PTPRM: variants seen among roughly 807,000 people sequenced by gnomAD.
PTPRM encodes protein tyrosine phosphatase receptor type M.
PTPRM carries 47 observed loss-of-function variants against 186.7 expected under a neutral mutation model. The ratio of observed to expected loss-of-function variants is 0.25; its 90% CI spans 0.20 to 0.32. The LOEUF is 0.32. PTPRM is among the 10% of genes least tolerant of loss of function. The pLI, the probability that PTPRM is intolerant of heterozygous loss-of-function variation, is 1.00. For missense variants in PTPRM, 1,494 were observed against 1,865.0 expected, an observed-to-expected ratio of 0.80 and a Z score of 3.66; for synonymous variants, 668 against 674.9, an observed-to-expected ratio of 0.99 and a Z score of 0.16.
rs77173927 is a variant in PTPRM at position 8,169,898 on chromosome 18, C to T, written c.2300+26119C>T. Reference sequence around the variant, plus strand: ...ATTTAGTATGCAAGTATTCACTTTACACTCCTGTCTTTTGGAATGCATTTG... The same window carrying T: ...ATTTAGTATGCAAGTATTCACTTTATACTCCTGTCTTTTGGAATGCATTTG... On this transcript the variant is annotated intron_variant, in intron 14 of 32. Coordinates refer to ENST00000580170, the MANE Select transcript of PTPRM (RefSeq NM_001105244.2). 3.1e-3 allele frequency among the ~76,000 whole-genome samples: 468 copies of T among 152,234 alleles called. 2 individuals carry two copies. The highest frequency in any genetic ancestry group is 0.011 in the African/African-American group (451 of 41,532).
intron 7 of PTPRM, among the ~76,000 whole-genome samples, chr18:7,966,698 C>CG (rs1289546694): frequency 1.4e-5 from 2 of 147,014 alleles, no homozygotes; most frequent in Admixed American, 6.8e-5. Context: ...GGGTGACGGG[C>CG]GCACCTGGAA....
At chr18:7,829,052 A>C (rs1410961685) in intron 2 of PTPRM, among the ~76,000 whole-genome samples, 1 of 152,140 alleles carries the variant, frequency 6.6e-6, no homozygotes, top group Admixed American at 6.5e-5. Context: ...GTAAATACCT[A>C]ATTGTATTTT....
At chr18:7,969,273 C>T (rs1249371776) in intron 7 of PTPRM, among the ~76,000 whole-genome samples, 1 of 138,678 alleles carries the variant, frequency 7.2e-6, no homozygotes, top group African/African-American at 2.9e-5. Context: ...AACAAAGACA[C>T]CACATACCAG....
At chr18:8,151,254 C>T (rs937585481) in intron 14 of PTPRM, among the ~76,000 whole-genome samples, 10 of 151,772 alleles carry the variant, frequency 6.6e-5, no homozygotes, top group African/African-American at 2.4e-4. Context: ...CCAGGTGCTT[C>T]GTCCCAGGGA....
intron 2 of PTPRM, among the ~76,000 whole-genome samples, chr18:7,852,892 C>CG (rs1567917784): frequency 5.3e-5 from 8 of 152,072 alleles, no homozygotes; most frequent in Admixed American, 5.2e-4. Flanking sequence ...ATAAATAATA[C>CG]ATAGTTACAT....
chr18:8,302,095 G>A (rs779753105), intron 20 of PTPRM, among the ~76,000 whole-genome samples: 4 of 152,312 alleles, frequency 2.6e-5, no homozygotes, highest in Admixed American at 6.5e-5. Flanking sequence ...GGAAGATTTC[G>A]TGGGGGAGAA....
At chr18:8,402,679 CGGCCTGGTGATCTGACAACGT>C (rs2148649262) in intron 32 of PTPRM, among the ~76,000 whole-genome samples, 1 of 152,278 alleles carries the variant, frequency 6.6e-6, no homozygotes, top group Non-Finnish European at 1.5e-5. Context: ...GCCAAGATGT[CGGCCTGGTGATCTGACAACGT>C]GGCCTTTTGG....
intron 1 of PTPRM, among the ~76,000 whole-genome samples, chr18:7,708,227 A>C (rs1052210468): frequency 6.6e-6 from 1 of 152,190 alleles, no homozygotes; most frequent in Non-Finnish European, 1.5e-5. Flanking sequence ...ACTGTAACCA[A>C]ATAACGTTTT....
intron 19 of PTPRM, among the ~76,000 whole-genome samples, chr18:8,278,269 T>C (rs888031491): frequency 3.9e-5 from 6 of 152,246 alleles, no homozygotes; most frequent in African/African-American, 1.4e-4. Flanking sequence ...ATCTGTTGTC[T>C]CTGCAGCTGA....
intron 1 of PTPRM, among the ~76,000 whole-genome samples, chr18:7,754,584 A>G (rs1436134088): frequency 2.6e-5 from 4 of 152,324 alleles, no homozygotes; most frequent in Non-Finnish European, 4.4e-5. Flanking sequence ...CCAAGCAGTC[A>G]TGCCACTTGA....
rs2095724663 is a variant in PTPRM at position 8,380,289 on chromosome 18, T to C, written c.3787-7T>C. 6.2e-7 allele frequency: 1 copy of C among 1,612,986 alleles called. No homozygotes were observed. Among genetic ancestry groups the C allele is most frequent in the Admixed American group, 1.7e-5 (1 of 59,994 alleles). ...TATATTTGGAGCATTCTTGTTTGTG[T>C]TTGCAGAGCTATAAACAGCCTTCAG... is the stretch of plus-strand genomic sequence containing the variant. On this transcript the variant is annotated splice_region_variant and splice_polypyrimidine_tract_variant and intron_variant, in intron 28 of 32. Transcript: ENST00000580170.
At chr18:7,866,211 T>C (rs1256638074) in intron 2 of PTPRM, among the ~76,000 whole-genome samples, 2 of 152,228 alleles carry the variant, frequency 1.3e-5, no homozygotes, top group East Asian at 3.8e-4. Context: ...ATCGTAGTTA[T>C]TTCTTGACTT....
intron 2 of PTPRM, among the ~76,000 whole-genome samples, chr18:7,874,745 A>ATG (rs2048149009): frequency 6.6e-6 from 1 of 152,244 alleles, no homozygotes; most frequent in South Asian, 2.1e-4. Flanking sequence ...ATAGAAATAT[A>ATG]TGTGTATAAA....
At chr18:7,665,253 C>T (rs571767006) in intron 1 of PTPRM, among the ~76,000 whole-genome samples, 1 of 152,222 alleles carries the variant, frequency 6.6e-6, no homozygotes, top group East Asian at 1.9e-4. Flanking sequence ...AGCAATTTTC[C>T]TTATGAGGGC....
chr18:7,797,796 T>C (rs2043743432), intron 2 of PTPRM, among the ~76,000 whole-genome samples: 1 of 152,162 alleles, frequency 6.6e-6, no homozygotes, highest in South Asian at 2.1e-4. Context: ...TTTCAGGCAA[T>C]CTAGTGTGTT....
At chr18:7,607,556 T>C (rs73941950) in intron 1 of PTPRM, among the ~76,000 whole-genome samples, 2,719 of 152,294 alleles carry the variant, frequency 0.018, 86 homozygotes, top group African/African-American at 0.062. Flanking sequence ...TTAACCTCTT[T>C]GTGCTTCACA....
intron 14 of PTPRM, among the ~76,000 whole-genome samples, chr18:8,155,357 C>T (rs2093099669): frequency 6.6e-6 from 1 of 152,152 alleles, no homozygotes; most frequent in Non-Finnish European, 1.5e-5. Context: ...ATTCCTGTCT[C>T]AGCCACTGTG....
chr18:7,607,511 C>G (rs1226173488), intron 1 of PTPRM, among the ~76,000 whole-genome samples: 4 of 152,168 alleles, frequency 2.6e-5, no homozygotes, highest in Non-Finnish European at 5.9e-5. Context: ...GATCTTGACA[C>G]CACAGGCCTT....
chr18:8,097,311 A>G (rs1211054925), intron 11 of PTPRM, among the ~76,000 whole-genome samples: 1 of 152,106 alleles, frequency 6.6e-6, no homozygotes, highest in African/African-American at 2.4e-5. Context: ...GTTTTTTCCC[A>G]TATAATTATG....
Sources: allele counts gnomAD v4.1 joint callset (sites outside exome capture counted in the v4.1 genomes callset), GRCh38; gene constraint gnomAD v4.1.1; transcripts MANE v1.5; gene names NCBI Gene and HGNC (gene_info 2026-07-23, HGNC 2026-07-21).